Variants in PTPRD observed in about 807,000 individuals in gnomAD.
PTPRD encodes the protein protein tyrosine phosphatase receptor type D, also known as receptor-type tyrosine-protein phosphatase delta.
Under a neutral mutation model 214.5 loss-of-function variants are expected in PTPRD, and 34 were observed. The observed-to-expected ratio is 0.16, with a 90% CI of 0.12 to 0.21. PTPRD has a LOEUF of 0.21. Among genes scored for constraint, PTPRD ranks in the 10% least tolerant of loss-of-function variants. The pLI, the probability that PTPRD is intolerant of heterozygous loss-of-function variation, is 1.00. For missense variants in PTPRD, 2,545 were observed against 2,398.7 expected (o/e 1.06, Z -1.27); for synonymous variants, 1,128 against 845.7 (o/e 1.33, Z -5.79).
At chr9:9,508,908 A>T (rs1170698983) in intron 8 of PTPRD, among the ~76,000 whole-genome samples, 1 of 151,634 alleles carries the variant, frequency 6.6e-6, no homozygotes, top group Non-Finnish European at 1.5e-5. Flanking sequence ...AAGAGTCTGT[A>T]TATCACCCTT....
intron 8 of PTPRD, among the ~76,000 whole-genome samples, chr9:9,538,168 A>G (rs1272692347): frequency 1.3e-5 from 2 of 151,892 alleles, no homozygotes; most frequent in Non-Finnish European, 2.9e-5. Context: ...TCAAATCACT[A>G]AACTGAAACA....
intron 8 of PTPRD, among the ~76,000 whole-genome samples, chr9:9,535,310 A>G (rs1018163860): frequency 2.6e-5 from 4 of 152,150 alleles, no homozygotes; most frequent in Admixed American, 2.6e-4. Flanking sequence ...GCTACAGATT[A>G]GAGAAAATCA....
intron 2 of PTPRD, among the ~76,000 whole-genome samples, chr9:10,351,230 C>A (rs773225614): frequency 3.3e-5 from 5 of 151,968 alleles, no homozygotes; most frequent in Non-Finnish European, 5.9e-5. Flanking sequence ...CATCTACTAT[C>A]GTGGATTATC....
At position 8,511,748 on chromosome 9, in the gene PTPRD, C is replaced by G. The variant is rs114814901; in HGVS notation, c.1544-4314G>C. On this transcript the variant is annotated intron_variant, in intron 21 of 45. Transcript: ENST00000381196. ...ATTATATTTAAGAAGTCATTATATA[C>G]TGTAAAAGTATGTCCGCCCTCTTGA... 2.5e-3 allele frequency among the ~76,000 whole-genome samples: 385 copies of G among 152,124 alleles called. 2 individuals carry two copies. The highest frequency in any genetic ancestry group is 8.7e-3 in the African/African-American group (362 of 41,550).
chr9:9,311,741 T>C (rs944840148), intron 9 of PTPRD, among the ~76,000 whole-genome samples: 2 of 152,182 alleles, frequency 1.3e-5, no homozygotes, highest in African/African-American at 4.8e-5. Flanking sequence ...AGCTCTACCA[T>C]TGTTTTAAAT....
intron 8 of PTPRD, among the ~76,000 whole-genome samples, chr9:9,451,291 A>G (rs139409524): frequency 6.6e-6 from 1 of 151,742 alleles, no homozygotes; most frequent in Non-Finnish European, 1.5e-5. Flanking sequence ...AAATAAACAC[A>G]AGGCTATAGG....
In PTPRD at chr9:10,543,759, C is replaced by T. The variant is rs151196594; in HGVS notation, c.-600+68639G>A. On this transcript the variant is annotated intron_variant, in intron 2 of 45. Coordinates refer to ENST00000381196, the MANE Select transcript of PTPRD (RefSeq NM_002839.4). ...CTGGTGCCAAGAGCTATTAATACAT[C>T]GCAGTCAACAACCTTTCACTGTTTG... Among the ~76,000 whole-genome samples, 1,468 of 152,292 alleles carry T rather than the reference C, an allele frequency of 9.6e-3. 10 individuals carry two copies. Among genetic ancestry groups the T allele is most frequent in the Non-Finnish European group, 0.016 (1,063 of 68,012 alleles).
intron 9 of PTPRD, among the ~76,000 whole-genome samples, chr9:9,328,909 A>C (rs1411618134): frequency 6.6e-6 from 1 of 151,920 alleles, no homozygotes; most frequent in Non-Finnish European, 1.5e-5. Flanking sequence ...AAGTAAAGGG[A>C]TTACAGGAGT....
At chr9:8,881,520 C>G (rs2098446003) in intron 11 of PTPRD, among the ~76,000 whole-genome samples, 2 of 152,162 alleles carry the variant, frequency 1.3e-5, no homozygotes, top group African/African-American at 4.8e-5. Flanking sequence ...AAGGGGTTTA[C>G]TATACATCAC....
intron 11 of PTPRD, among the ~76,000 whole-genome samples, chr9:8,939,390 C>T (rs557931757): frequency 6.8e-6 from 1 of 147,184 alleles, no homozygotes; most frequent in East Asian, 2.0e-4. Context: ...TACAGACAGA[C>T]AGATGCATAC....
At chr9:9,368,807 C>A (rs1287820460) in intron 9 of PTPRD, among the ~76,000 whole-genome samples, 2 of 151,794 alleles carry the variant, frequency 1.3e-5, no homozygotes, top group African/African-American at 4.8e-5. Flanking sequence ...ATGTGCACAA[C>A]GTGCAGGTTA....
intron 2 of PTPRD, among the ~76,000 whole-genome samples, chr9:10,448,473 A>G (rs113684833): frequency 0.014 from 2,173 of 152,066 alleles, 71 homozygotes; most frequent in African/African-American, 0.047. Flanking sequence ...AATAAGTATA[A>G]TACTTAGTGA....
chr9:8,321,202 T>C (rs893991529), intron 44 of PTPRD, among the ~76,000 whole-genome samples: 5 of 151,928 alleles, frequency 3.3e-5, no homozygotes, highest in African/African-American at 4.8e-5. Context: ...AACTGAGATT[T>C]ATTATCTTTT....
chr9:9,954,088 A>G (rs575147042), intron 4 of PTPRD, among the ~76,000 whole-genome samples: 114 of 151,926 alleles, frequency 7.5e-4, no homozygotes, highest in African/African-American at 2.7e-3. Flanking sequence ...CTGAGGTCAG[A>G]AGTTTGAGAC....
At chr9:8,954,381 C>T (rs928921329) in intron 11 of PTPRD, among the ~76,000 whole-genome samples, 5 of 151,772 alleles carry the variant, frequency 3.3e-5, no homozygotes, top group Admixed American at 3.3e-4. Flanking sequence ...GAAAACCTAC[C>T]TATTGGGTAT....
chr9:10,599,466 T>C (rs890187622), intron 2 of PTPRD, among the ~76,000 whole-genome samples: 5 of 151,752 alleles, frequency 3.3e-5, no homozygotes, highest in Non-Finnish European at 7.4e-5. Context: ...GGTTAACAAA[T>C]ACTTTAAATG....
Position 8,835,726 on chromosome 9 carries a change from G to A in PTPRD, c.-103-101780C>T, listed in dbSNP as rs193136325. ...TTTTACTTTTATTTTTTGTAGAGAC[G>A]AGGGTCTCTCTATGCTGCCCAGGCT... On this transcript the variant is annotated intron_variant, in intron 11 of 45. Transcript: ENST00000381196. Among the ~76,000 whole-genome samples, 86 of 152,054 alleles carry A rather than the reference G, an allele frequency of 5.7e-4. 1 individual carries two copies. The highest frequency in any genetic ancestry group is 1.2e-3 in the Admixed American group (18 of 15,262).
At chr9:9,531,868 G>A (rs561533424) in intron 8 of PTPRD, among the ~76,000 whole-genome samples, 1 of 151,978 alleles carries the variant, frequency 6.6e-6, no homozygotes, top group Non-Finnish European at 1.5e-5. Context: ...TAGTATGGCT[G>A]ATGAGGTTAC....
At chr9:9,783,393 A>C (rs193180899) in intron 5 of PTPRD, among the ~76,000 whole-genome samples, 1 of 152,162 alleles carries the variant, frequency 6.6e-6, no homozygotes, top group Non-Finnish European at 1.5e-5. Context: ...TCTCTTTTCA[A>C]CAAAAGCTTT....
Sources: gnomAD v4.1 joint callset for allele counts (sites outside exome capture counted in the v4.1 genomes callset) on GRCh38, gnomAD v4.1.1 for gene constraint, MANE v1.5 for transcripts, NCBI Gene and HGNC (gene_info 2026-07-23, HGNC 2026-07-21) for gene names.